The following RANBP3L variants were observed in gnomAD, a reference collection of about 807,000 sequenced individuals.
RANBP3L encodes the protein ran-binding protein 3-like.
RANBP3L carries 56 observed loss-of-function variants against 67.2 expected under a neutral mutation model. The ratio of observed to expected loss-of-function variants is 0.83; its 90% CI spans 0.67 to 1.04. The LOEUF is 1.04. Among genes scored for constraint, RANBP3L ranks in the 50% least tolerant of loss-of-function variants. The pLI is 0.00. For synonymous variants in RANBP3L, 164 were observed against 181.4 expected (o/e 0.90, Z 0.77); for missense variants, 496 against 535.5 (o/e 0.93, Z 0.73).
Position 36,249,064 on chromosome 5 carries a change from T to G in RANBP3L, c.*590A>C, listed in dbSNP as rs1748433035. ...TGGATGCTGACCATGAGTCAAACAT[T>G]GACAAGATGCAACAGATACAAGTCC... On this transcript the variant is annotated 3_prime_UTR_variant, in exon 14 of 14. Transcript: ENST00000296604. 1 of 152,108 alleles carries G rather than the reference T, an allele frequency of 6.6e-6. No individual in the cohort carries two copies. The highest frequency in any genetic ancestry group is 2.4e-5 in the African/African-American group (1 of 41,456). 9.4% of individuals were successfully genotyped at this position (152,108 alleles called of 1,614,324 possible).
intron 1 of RANBP3L, among the ~76,000 whole-genome samples, chr5:36,292,712 G>C (rs1751886337): frequency 6.6e-6 from 1 of 151,880 alleles, no homozygotes; most frequent in South Asian, 2.1e-4. Flanking sequence ...GATAGTTGTA[G>C]ATATGCAGTG....
At chr5:36,295,364 T>C (rs1752131987) in intron 1 of RANBP3L, among the ~76,000 whole-genome samples, 1 of 152,054 alleles carries the variant, frequency 6.6e-6, no homozygotes, top group African/African-American at 2.4e-5. Flanking sequence ...CTGATGGTTT[T>C]ATAAGGGGCT....
At chr5:36,269,490 G>A in intron 3 of RANBP3L, 23 bp from the exon 4 acceptor site, 6 of 1,321,228 alleles carry the variant, frequency 4.5e-6, no homozygotes, top group Non-Finnish European at 6.6e-6. Flanking sequence ...CAATGGAAAG[G>A]CTAAAATTAC....
chr5:36,256,939 A>G lies in RANBP3L; in HGVS notation c.903+2T>C. ...AGAAAGAGTAAAACATGATATACAG[A>G]CCTTTAACACATTATGTTCTGTTTC... On this transcript the variant is annotated splice_donor_variant, in intron 10 of 13. Coordinates refer to ENST00000296604, the MANE Select transcript of RANBP3L (RefSeq NM_145000.5). LOFTEE classifies it high-confidence loss of function. 1 of 1,610,678 alleles carries G rather than the reference A, an allele frequency of 6.2e-7. No individual in the cohort carries two copies. Among genetic ancestry groups the G allele is most frequent in the Non-Finnish European group, 8.5e-7 (1 of 1,178,150 alleles).
chr5:36,296,592 T>C (rs566996164), intron 1 of RANBP3L, among the ~76,000 whole-genome samples: 1 of 152,316 alleles, frequency 6.6e-6, no homozygotes, highest in East Asian at 1.9e-4. Context: ...TGTGTAACCT[T>C]GGAAGAGTCA....
intron 1 of RANBP3L, among the ~76,000 whole-genome samples, chr5:36,276,514 G>A (rs1267499540): frequency 7.2e-5 from 11 of 152,108 alleles, no homozygotes; most frequent in African/African-American, 2.4e-4. Flanking sequence ...TCAGCTGAAT[G>A]CTATGCATAT....
chr5:36,296,365 G>A (rs1214379152), intron 1 of RANBP3L, among the ~76,000 whole-genome samples: 1 of 152,124 alleles, frequency 6.6e-6, no homozygotes, highest in Non-Finnish European at 1.5e-5. Context: ...ATTCTGGGTA[G>A]TGTCAGAATT....
At chr5:36,285,596 T>C (rs552139020) in intron 1 of RANBP3L, among the ~76,000 whole-genome samples, 2 of 152,334 alleles carry the variant, frequency 1.3e-5, no homozygotes, top group African/African-American at 4.8e-5. Context: ...ACAGTTGTAA[T>C]TGACTTTAGA....
intron 13 of RANBP3L, among the ~76,000 whole-genome samples, chr5:36,250,871 T>C (rs912018697): frequency 3.9e-5 from 6 of 152,124 alleles, no homozygotes; most frequent in African/African-American, 1.4e-4. Flanking sequence ...GAAAATAGTA[T>C]TTGTACAATC....
intron 1 of RANBP3L, among the ~76,000 whole-genome samples, chr5:36,298,105 C>T (rs920129505): frequency 6.6e-6 from 1 of 151,826 alleles, no homozygotes; most frequent in African/African-American, 2.4e-5. Flanking sequence ...TCGAGACCAG[C>T]CTCACCAATA....
At chr5:36,283,573 C>T (rs1021593824) in intron 1 of RANBP3L, among the ~76,000 whole-genome samples, 3 of 151,256 alleles carry the variant, frequency 2.0e-5, no homozygotes, top group African/African-American at 4.9e-5. Flanking sequence ...CACACACACA[C>T]ATCTTTATCT....
chr5:36,275,814 T>C (rs1404340332), intron 1 of RANBP3L, among the ~76,000 whole-genome samples: 1 of 151,878 alleles, frequency 6.6e-6, no homozygotes, highest in Non-Finnish European at 1.5e-5. Flanking sequence ...GTGGTGAGAG[T>C]TGGATATAGT....
intron 4 of RANBP3L, among the ~76,000 whole-genome samples, chr5:36,268,662 G>A (rs1030723976): frequency 6.6e-6 from 1 of 151,416 alleles, no homozygotes; most frequent in Non-Finnish European, 1.5e-5. Flanking sequence ...TACAGTGTAT[G>A]ATAAAATTAT....
chr5:36,287,283 C>T (rs1005345449), intron 1 of RANBP3L, among the ~76,000 whole-genome samples: 4 of 152,150 alleles, frequency 2.6e-5, no homozygotes, highest in Admixed American at 6.6e-5. Flanking sequence ...AGGCCATGGA[C>T]CCCTGTTTGC....
chr5:36,301,267 T>A lies in RANBP3L; in HGVS notation c.91+59A>T, dbSNP rs884692. The A allele has an allele frequency of 1.4e-3, 1,804 of 1,292,678 alleles. 5 individuals carry two copies. Among genetic ancestry groups the A allele is most frequent in the Admixed American group, 3.3e-3 (198 of 59,312 alleles). The allele number at this position is 1,292,678 out of a possible 1,614,324, so 80.1% of individuals were successfully genotyped here. ...TCCTTCACCAGCCCACCATTCTTCC[T>A]GGAATGCAAATGCACAGAAGGTCAC... On this transcript the variant is annotated intron_variant, in intron 1 of 13. Transcript: ENST00000296604.
At position 36,253,518 on chromosome 5, in the gene RANBP3L, A is replaced by T. The variant is rs894040723; in HGVS notation, c.1167+129T>A. The T allele has an allele frequency of 5.9e-6, 4 of 682,194 alleles. No homozygotes were observed. The African/African-American group carries it at 7.2e-5, about 12-fold the overall frequency. 42.3% of individuals were successfully genotyped at this position (682,194 alleles called of 1,614,324 possible). Reference sequence around the variant, plus strand: ...AAAATTTATGTCTTATGCTATAAACAGACATAATGAATGGCTGAGTTTTTG... The same window carrying T: ...AAAATTTATGTCTTATGCTATAAACTGACATAATGAATGGCTGAGTTTTTG... On this transcript the variant is annotated intron_variant, in intron 12 of 13. Transcript: ENST00000296604.
chr5:36,263,920 T>C (rs375580638), intron 6 of RANBP3L, among the ~76,000 whole-genome samples: 1 of 152,346 alleles, frequency 6.6e-6, no homozygotes, highest in African/African-American at 2.4e-5. Flanking sequence ...TTATCTAAAA[T>C]TGAAGACATG....
intron 4 of RANBP3L, among the ~76,000 whole-genome samples, chr5:36,267,671 A>G (rs1300181662): frequency 6.6e-6 from 1 of 152,224 alleles, no homozygotes; most frequent in Non-Finnish European, 1.5e-5. Flanking sequence ...ATGAGAATAG[A>G]GATCATTTTA....
In RANBP3L at chr5:36,257,567, A is replaced by G; in HGVS notation, c.670-11T>C. On this transcript the variant is annotated splice_polypyrimidine_tract_variant and intron_variant, in intron 8 of 13. Coordinates refer to ENST00000296604, the MANE Select transcript of RANBP3L (RefSeq NM_145000.5). ...GAGTTTTTGAGTACCCTGAGAGCGG[A>G]AAAAGATGCATTATTTTATTTAATA... 2 of 1,166,172 alleles carry G rather than the reference A, an allele frequency of 1.7e-6. No homozygotes were observed. Among genetic ancestry groups the G allele is most frequent in the African/African-American group, 1.6e-5 (1 of 64,362 alleles). 72.2% of individuals were successfully genotyped at this position (1,166,172 alleles called of 1,614,324 possible).
Sources: gnomAD v4.1 joint callset for allele counts (sites outside exome capture counted in the v4.1 genomes callset) on GRCh38, gnomAD v4.1.1 for gene constraint, MANE v1.5 for transcripts, NCBI Gene and HGNC (gene_info 2026-07-23, HGNC 2026-07-21) for gene names.